The following SORCS2 variants were observed in gnomAD, a reference collection of about 807,000 sequenced individuals.
The protein encoded by SORCS2 is VPS10 domain-containing receptor SorCS2.
A neutral mutation model predicts 141.6 loss-of-function variants in SORCS2; 100 were observed. That is an observed-to-expected ratio of 0.71 (90% confidence interval 0.60 to 0.83). The LOEUF is 0.83. Among genes scored for constraint, SORCS2 ranks in the 40% least tolerant of loss-of-function variants. The pLI is 0.00. For synonymous variants in SORCS2, 789 were observed against 676.9 expected (o/e 1.17, Z -2.57); for missense variants, 1,646 against 1,560.2 (o/e 1.05, Z -0.93).
At chr4:7,409,044 C>G (rs1027845457) in intron 2 of SORCS2, among the ~76,000 whole-genome samples, 1 of 152,196 alleles carries the variant, frequency 6.6e-6, no homozygotes, top group African/African-American at 2.4e-5. Flanking sequence ...AAGGAGCTCA[C>G]GTATCATCAT....
At chr4:7,733,128 T>G (rs1711836835) in intron 23 of SORCS2, among the ~76,000 whole-genome samples, 194 bp from the exon 24 acceptor site, 2 of 131,554 alleles carry the variant, frequency 1.5e-5, no homozygotes, top group Admixed American at 7.7e-5. Context: ...GGAGGGCCCT[T>G]CCTCCCCTTT....
At chr4:7,308,786 T>TAGCACCCTGTCTTCTCTCTCC (rs1718002259) in intron 1 of SORCS2, among the ~76,000 whole-genome samples, 1 of 151,298 alleles carries the variant, frequency 6.6e-6, no homozygotes, top group Non-Finnish European at 1.5e-5. Flanking sequence ...CCTCTCTCTC[T>TAGCACCCTGTCTTCTCTCTCC]AGCACCCTGT....
rs543607726 is a variant in SORCS2, at chr4:7,482,725, C to T, written c.549-48805C>T. Among the ~76,000 whole-genome samples, 770 of 128,134 alleles carry T rather than the reference C, an allele frequency of 6.0e-3. 16 individuals are homozygous for T. Among genetic ancestry groups the T allele is most frequent in the Non-Finnish European group, 0.011 (660 of 61,550 alleles). The allele number at this position is 128,134 out of a possible 152,430, so 84.1% of individuals were successfully genotyped here. ...CGGACACCCCTGACGCTGTTCAGAC[C>T]TGTATCCCCGCTGCGGACACCCCTG... is the stretch of plus-strand genomic sequence containing the variant. On this transcript the variant is annotated intron_variant, in intron 2 of 26. Coordinates refer to ENST00000507866, the MANE Select transcript of SORCS2 (RefSeq NM_020777.3).
At chr4:7,657,837 A>C (rs1389744586) in intron 5 of SORCS2, among the ~76,000 whole-genome samples, 4 of 150,746 alleles carry the variant, frequency 2.7e-5, no homozygotes, top group Admixed American at 6.6e-5. Flanking sequence ...TCTGTGACTG[A>C]GTGAGTGAGT....
intron 3 of SORCS2, among the ~76,000 whole-genome samples, chr4:7,543,984 C>CCATCCATCCACT (rs1454272988): frequency 7.2e-6 from 1 of 138,772 alleles, no homozygotes; most frequent in Non-Finnish European, 1.6e-5. Flanking sequence ...ACCCATCCGT[C>CCATCCATCCACT]CATCCATCCA....
chr4:7,288,367 A>C (rs1332921029), intron 1 of SORCS2, among the ~76,000 whole-genome samples: 1 of 151,804 alleles, frequency 6.6e-6, no homozygotes, highest in Non-Finnish European at 1.5e-5. Context: ...TAGGGGAGTG[A>C]GGGGCTCTGT....
chr4:7,379,730 G>A (rs189270345), intron 1 of SORCS2, among the ~76,000 whole-genome samples: 39 of 152,292 alleles, frequency 2.6e-4, no homozygotes, highest in South Asian at 1.7e-3. Flanking sequence ...AGAGGCAAGG[G>A]ACTCACTGGG....
At chr4:7,600,003 G>C (rs1717552684) in intron 3 of SORCS2, among the ~76,000 whole-genome samples, 1 of 151,760 alleles carries the variant, frequency 6.6e-6, no homozygotes, top group African/African-American at 2.4e-5. Context: ...TTTATATTTA[G>C]TAGAGACAGG....
At chr4:7,494,478 G>A (rs1271354787) in intron 2 of SORCS2, among the ~76,000 whole-genome samples, 1 of 151,678 alleles carries the variant, frequency 6.6e-6, no homozygotes, top group Admixed American at 6.6e-5. Context: ...TTCCTGGCTT[G>A]CAGATGTCTG....
intron 3 of SORCS2, among the ~76,000 whole-genome samples, chr4:7,614,764 C>A (rs985109958): frequency 6.6e-6 from 1 of 151,598 alleles, no homozygotes; most frequent in Non-Finnish European, 1.5e-5. Flanking sequence ...ACCATACACC[C>A]ATTCACCATC....
chr4:7,339,435 G>A (rs1168791005), intron 1 of SORCS2, among the ~76,000 whole-genome samples: 2 of 152,224 alleles, frequency 1.3e-5, no homozygotes, highest in African/African-American at 4.8e-5. Context: ...AGATCGAGGT[G>A]CCTGCAAGGT....
chr4:7,615,545 C>G (rs1271710089), intron 3 of SORCS2, among the ~76,000 whole-genome samples: 4 of 152,134 alleles, frequency 2.6e-5, no homozygotes, highest in South Asian at 2.1e-4. Flanking sequence ...CATACCTGCC[C>G]TCTCCCCAGT....
chr4:7,424,053 C>G (rs1053021776), intron 2 of SORCS2, among the ~76,000 whole-genome samples: 1 of 152,196 alleles, frequency 6.6e-6, no homozygotes, highest in African/African-American at 2.4e-5. Flanking sequence ...GAGGATGCTG[C>G]TTACCCAGCG....
intron 3 of SORCS2, among the ~76,000 whole-genome samples, chr4:7,561,331 G>A (rs1158577106): frequency 6.6e-6 from 1 of 150,586 alleles, no homozygotes; most frequent in East Asian, 1.9e-4. Flanking sequence ...AGACATGGAG[G>A]GGAGCGGCTG....
chr4:7,408,035 AGTT>A (rs1228965229), intron 2 of SORCS2, among the ~76,000 whole-genome samples: 1 of 152,026 alleles, frequency 6.6e-6, no homozygotes, highest in Non-Finnish European at 1.5e-5. Context: ...TTTCTCAGCA[AGTT>A]GTTGTAGCTA....
chr4:7,549,451 C>T (rs1713518627), intron 3 of SORCS2, among the ~76,000 whole-genome samples: 1 of 151,850 alleles, frequency 6.6e-6, no homozygotes, highest in African/African-American at 2.4e-5. Flanking sequence ...GAGTGGATCC[C>T]CCAAGCCAGA....
intron 4 of SORCS2, among the ~76,000 whole-genome samples, chr4:7,642,688 C>T (rs1332750463): frequency 6.6e-6 from 1 of 152,176 alleles, no homozygotes; most frequent in Non-Finnish European, 1.5e-5. Flanking sequence ...GCCTCAATGG[C>T]TTACAGAAAC....
At chr4:7,588,763 C>A (rs1484692829) in intron 3 of SORCS2, among the ~76,000 whole-genome samples, 1 of 152,188 alleles carries the variant, frequency 6.6e-6, no homozygotes, top group South Asian at 2.1e-4. Context: ...CACTGACATG[C>A]ATTCATTCAT....
At chr4:7,436,250 G>A (rs1158020898) in intron 2 of SORCS2, among the ~76,000 whole-genome samples, 1 of 152,222 alleles carries the variant, frequency 6.6e-6, no homozygotes, top group Admixed American at 6.5e-5. Context: ...GGCTGGAGAC[G>A]TGGGTGTCCT....
Sources: allele counts gnomAD v4.1 joint callset (sites outside exome capture counted in the v4.1 genomes callset), GRCh38; gene constraint gnomAD v4.1.1; transcripts MANE v1.5; gene names NCBI Gene and HGNC (gene_info 2026-07-23, HGNC 2026-07-21).